Variants in SGCD observed in about 807,000 individuals in gnomAD.
SGCD encodes the protein sarcoglycan delta.
Under a neutral mutation model 36.6 loss-of-function variants are expected in SGCD, and 18 were observed. The ratio of observed to expected loss-of-function variants is 0.49; its 90% CI spans 0.34 to 0.73. The LOEUF (loss-of-function observed/expected upper bound fraction) is 0.73. Ranked by LOEUF, SGCD falls within the 30% of genes least tolerant of loss-of-function variation. The pLI is 0.01. For missense variants in SGCD, 387 were observed against 346.7 expected (o/e 1.12, Z -0.92); for synonymous variants, 133 against 130.6 (o/e 1.02, Z -0.12).
At chr5:156,052,226 T>C (rs1298581768) in intron 1 of SGCD, among the ~76,000 whole-genome samples, 1 of 145,816 alleles carries the variant, frequency 6.9e-6, no homozygotes, top group East Asian at 1.9e-4. Context: ...GTAGACAGGC[T>C]GGTTGGAGTT....
intron 1 of SGCD, among the ~76,000 whole-genome samples, chr5:155,987,661 C>T (rs1195892365): frequency 1.3e-5 from 2 of 152,186 alleles, no homozygotes; most frequent in Non-Finnish European, 2.9e-5. Context: ...TGCCAGTTCT[C>T]ACAGAAGCTT....
At chr5:156,211,607 C>CA (rs75891963) in intron 3 of SGCD, among the ~76,000 whole-genome samples, 2,283 of 57,062 alleles carry the variant, frequency 0.04, 31 homozygotes, top group Middle Eastern at 0.06. Context: ...GACTCAGACT[C>CA]AAAAAAAAAA....
chr5:156,194,895 T>C (rs969594779), intron 3 of SGCD, among the ~76,000 whole-genome samples: 8 of 152,106 alleles, frequency 5.3e-5, no homozygotes, highest in Middle Eastern at 3.2e-3. Flanking sequence ...TAAAGCCAGG[T>C]ATGTATATAA....
intron 3 of SGCD, among the ~76,000 whole-genome samples, chr5:156,164,236 C>T (rs1049481305): frequency 4.0e-5 from 6 of 151,380 alleles, no homozygotes; most frequent in African/African-American, 1.5e-4. Flanking sequence ...AGAATGGGAC[C>T]TGAGAGTCAT....
intron 7 of SGCD, among the ~76,000 whole-genome samples, chr5:156,671,482 C>T (rs1401662319): frequency 1.3e-5 from 2 of 152,036 alleles, no homozygotes; most frequent in East Asian, 1.9e-4. Context: ...CCATGTTGGT[C>T]AGGCTGGTCT....
intron 4 of SGCD, among the ~76,000 whole-genome samples, chr5:156,551,423 A>C (rs888096405): frequency 6.6e-6 from 1 of 152,158 alleles, no homozygotes; most frequent in African/African-American, 2.4e-5. Context: ...ATGATCATCC[A>C]TATTCTCACT....
At chr5:156,115,560 C>G (rs1761888472) in intron 1 of SGCD, among the ~76,000 whole-genome samples, 1 of 151,998 alleles carries the variant, frequency 6.6e-6, no homozygotes, top group Non-Finnish European at 1.5e-5. Flanking sequence ...GATATTATAT[C>G]AAAGACATTA....
intron 3 of SGCD, among the ~76,000 whole-genome samples, chr5:156,465,017 T>G (rs2127821532): frequency 6.6e-6 from 1 of 152,284 alleles, no homozygotes; most frequent in East Asian, 1.9e-4. Flanking sequence ...GAAGCAAATT[T>G]TCCATTGTCT....
chr5:156,245,875 C>G (rs990557912), intron 3 of SGCD, among the ~76,000 whole-genome samples: 5 of 152,052 alleles, frequency 3.3e-5, no homozygotes, highest in Admixed American at 6.6e-5. Context: ...TATGGGCCTT[C>G]CACTGGCTCT....
chr5:155,814,382 C>A, the SGCD span, among the ~76,000 whole-genome samples: 1 of 152,218 alleles, frequency 6.6e-6, no homozygotes, highest in African/African-American at 2.4e-5. Context: ...TGGTTATTCA[C>A]CTCTTGCTAC....
intron 1 of SGCD, among the ~76,000 whole-genome samples, chr5:155,972,631 A>G (rs552559884): frequency 5.9e-5 from 9 of 152,288 alleles, no homozygotes; most frequent in African/African-American, 2.2e-4. Context: ...GTTTTGATCA[A>G]TTAGACAGTG....
intron 7 of SGCD, among the ~76,000 whole-genome samples, chr5:156,744,792 A>G (rs1031050882): frequency 3.3e-5 from 5 of 152,236 alleles, no homozygotes; most frequent in African/African-American, 1.2e-4. Context: ...TGGCACATCC[A>G]TAATTTAAAA....
intron 3 of SGCD, among the ~76,000 whole-genome samples, chr5:156,485,401 A>G (rs1444384386): frequency 2.0e-5 from 3 of 152,190 alleles, no homozygotes; most frequent in Non-Finnish European, 4.4e-5. Flanking sequence ...GGTGGCTCAC[A>G]CCTGTAATCC....
intron 7 of SGCD, among the ~76,000 whole-genome samples, chr5:156,676,257 A>G (rs1753503745): frequency 6.6e-6 from 1 of 151,886 alleles, no homozygotes; most frequent in Admixed American, 6.6e-5. Flanking sequence ...TTGTCTCATA[A>G]CCCCAGGTTG....
intron 3 of SGCD, among the ~76,000 whole-genome samples, chr5:156,264,478 T>C (rs963214105): frequency 9.9e-5 from 15 of 152,170 alleles, no homozygotes; most frequent in African/African-American, 3.6e-4. Context: ...TATATTTTAG[T>C]TAATATCAAA....
intron 1 of SGCD, among the ~76,000 whole-genome samples, chr5:155,901,370 G>A (rs1011784024): frequency 6.6e-6 from 1 of 151,926 alleles, no homozygotes; most frequent in Admixed American, 6.6e-5. Flanking sequence ...TAGCCAGGAG[G>A]ATATGCCCAT....
At chr5:155,984,818 C>T (rs1581027224) in intron 1 of SGCD, among the ~76,000 whole-genome samples, 1 of 152,200 alleles carries the variant, frequency 6.6e-6, no homozygotes, top group African/African-American at 2.4e-5. Flanking sequence ...GGTGCTCCCC[C>T]TCCGTTTTAT....
At chr5:156,368,909 GA>G (rs1052164397) in intron 3 of SGCD, among the ~76,000 whole-genome samples, 5 of 152,086 alleles carry the variant, frequency 3.3e-5, no homozygotes, top group East Asian at 1.9e-4. Context: ...AAAAATAATA[GA>G]AAAAAAGTGC....
At chr5:156,333,612 A>T (rs896106360) in intron 2 of SGCD, among the ~76,000 whole-genome samples, 7 of 152,024 alleles carry the variant, frequency 4.6e-5, no homozygotes, top group African/African-American at 1.7e-4. Flanking sequence ...TTTGGGGTAG[A>T]TTACTTAACC....
Sources: allele counts gnomAD v4.1 joint callset (sites outside exome capture counted in the v4.1 genomes callset), GRCh38; gene constraint gnomAD v4.1.1; transcripts MANE v1.5; gene names NCBI Gene and HGNC (gene_info 2026-07-23, HGNC 2026-07-21).